Variants in SMOC2 observed in about 807,000 individuals in gnomAD.
The protein encoded by SMOC2 is SPARC related modular calcium binding 2.
SMOC2 carries 39 observed loss-of-function variants against 61.4 expected under a neutral mutation model. That is an observed-to-expected ratio of 0.64 (90% CI 0.49 to 0.83). SMOC2 has a LOEUF of 0.83. Ranked by LOEUF, SMOC2 falls within the 40% of genes least tolerant of loss-of-function variation. SMOC2 has a pLI of 0.00. For synonymous variants in SMOC2, 247 were observed against 239.9 expected (o/e 1.03, Z -0.27); for missense variants, 556 against 592.9 (o/e 0.94, Z 0.65).
At chr6:168,643,645 C>T (rs540904563) in intron 9 of SMOC2, among the ~76,000 whole-genome samples, 1 of 152,310 alleles carries the variant, frequency 6.6e-6, no homozygotes, top group Admixed American at 6.5e-5. Flanking sequence ...TCATCATGGC[C>T]GTGGGGCAGC....
intron 2 of SMOC2, among the ~76,000 whole-genome samples, chr6:168,514,366 T>C (rs1023138560): frequency 3.3e-5 from 5 of 152,198 alleles, no homozygotes; most frequent in African/African-American, 1.2e-4. Flanking sequence ...CAGTGGTGCG[T>C]TGGACAACTG....
At position 168,514,533 on chromosome 6, in the gene SMOC2, G is replaced by A. The variant is rs188306139; in HGVS notation, c.256+4447G>A. 1.1e-3 allele frequency among the ~76,000 whole-genome samples: 164 copies of A among 152,364 alleles called. 1 individual carries two copies. Among genetic ancestry groups the A allele is most frequent in the African/African-American group, 3.8e-3 (157 of 41,582 alleles). On this transcript the variant is annotated intron_variant, in intron 2 of 12. Coordinates refer to ENST00000356284, the MANE Select transcript of SMOC2 (RefSeq NM_001166412.2). ...GTGTGTGAGACTCACACTGGAGAAAGACTCAGATGTGATTTGATACCTTGG... is the reference window on the plus strand; with the variant it reads ...GTGTGTGAGACTCACACTGGAGAAAAACTCAGATGTGATTTGATACCTTGG...
chr6:168,551,028 G>A lies in SMOC2; in HGVS notation c.637+1825G>A, dbSNP rs6902299. Among the ~76,000 whole-genome samples the A allele has an allele frequency of 7.6e-3, 1,164 of 152,322 alleles. 14 individuals carry two copies. Among genetic ancestry groups the A allele is most frequent in the African/African-American group, 0.027 (1,107 of 41,558 alleles). Reference sequence around the variant, plus strand: ...CCCATAATCTGCACATGTCAATGGAGAGACCAGGTGGAGATAATTGAATCA... The same window carrying A: ...CCCATAATCTGCACATGTCAATGGAAAGACCAGGTGGAGATAATTGAATCA... On this transcript the variant is annotated intron_variant, in intron 7 of 12. Transcript: ENST00000356284.
intron 1 of SMOC2, among the ~76,000 whole-genome samples, chr6:168,488,731 G>A (rs1782393386): frequency 1.3e-5 from 2 of 151,700 alleles, no homozygotes; most frequent in South Asian, 2.1e-4. Flanking sequence ...ATATCAAATC[G>A]TCTGGGTCCC....
At chr6:168,523,052 T>G (rs952271496) in intron 2 of SMOC2, among the ~76,000 whole-genome samples, 5 of 151,186 alleles carry the variant, frequency 3.3e-5, no homozygotes, top group Non-Finnish European at 3.0e-5. Context: ...AGATGGTAAA[T>G]TTTATGTTAT....
Position 168,655,397 on chromosome 6 carries a change from A to G in SMOC2, c.1285+2169A>G, listed in dbSNP as rs1334309247. The G allele has an allele frequency of 6.6e-6, 3 of 456,530 alleles. No individual in the cohort carries two copies. The East Asian group carries it at 2.1e-4, about 32-fold the overall frequency. 28.3% of individuals were successfully genotyped at this position (456,530 alleles called of 1,614,324 possible). A position where few individuals can be genotyped will look rare whatever the true frequency, so the allele number is the denominator to read the frequency against. ...GCCTGGCCTACCCAACCGTGACAGG[A>G]AGTAAGAGAAACCTGTGATGGCCAG... On this transcript the variant is annotated intron_variant, in intron 11 of 12. Coordinates refer to ENST00000356284, the MANE Select transcript of SMOC2 (RefSeq NM_001166412.2).
intron 7 of SMOC2, 38 bp downstream of exon 7, chr6:168,549,241 T>C (rs975746037): frequency 6.3e-7 from 1 of 1,581,894 alleles, no homozygotes; most frequent in Admixed American, 1.7e-5. Flanking sequence ...AAGGAGTGAT[T>C]TAATAGATCT....
chr6:168,648,711 T>C (rs183797822), intron 9 of SMOC2, among the ~76,000 whole-genome samples: 12 of 152,358 alleles, frequency 7.9e-5, no homozygotes, highest in African/African-American at 2.9e-4. Flanking sequence ...CAGACCTTTT[T>C]GCACTCTCAG....
At chr6:168,642,761 A>G (rs889884053) in intron 9 of SMOC2, among the ~76,000 whole-genome samples, 1 of 152,230 alleles carries the variant, frequency 6.6e-6, no homozygotes, top group African/African-American at 2.4e-5. Flanking sequence ...TCTCAAAATC[A>G]AAGTGCCTGA....
chr6:168,555,373 A>G (rs1379365206), intron 7 of SMOC2, among the ~76,000 whole-genome samples: 1 of 152,194 alleles, frequency 6.6e-6, no homozygotes, highest in Non-Finnish European at 1.5e-5. Context: ...GTTGCGAAGC[A>G]GAGTGACGAG....
intron 1 of SMOC2, among the ~76,000 whole-genome samples, chr6:168,451,856 G>T (rs181262884): frequency 2.0e-5 from 3 of 152,344 alleles, no homozygotes; most frequent in East Asian, 3.9e-4. Context: ...CCCAGGTGGA[G>T]TCATAACTTC....
chr6:168,658,630 A>G (rs762915193), intron 11 of SMOC2, among the ~76,000 whole-genome samples: 2 of 151,726 alleles, frequency 1.3e-5, no homozygotes, highest in Non-Finnish European at 2.9e-5. Context: ...GTGAATGTTG[A>G]CTCTTTGTAA....
intron 9 of SMOC2, among the ~76,000 whole-genome samples, chr6:168,621,980 T>TC (rs1334655399): frequency 6.6e-6 from 1 of 150,684 alleles, no homozygotes; most frequent in East Asian, 1.9e-4. Flanking sequence ...TTTTTTTTTT[T>TC]CTTGAGATGG....
intron 2 of SMOC2, among the ~76,000 whole-genome samples, chr6:168,525,628 G>A (rs1437183632): frequency 6.6e-6 from 1 of 152,194 alleles, no homozygotes; most frequent in Non-Finnish European, 1.5e-5. Context: ...TGAAATCTGT[G>A]TTGTTGGGAA....
At chr6:168,581,553 A>T (rs927564850) in intron 7 of SMOC2, among the ~76,000 whole-genome samples, 2 of 152,238 alleles carry the variant, frequency 1.3e-5, no homozygotes, top group African/African-American at 4.8e-5. Context: ...TCTTGCCGTC[A>T]CTGAGTTTTA....
intron 11 of SMOC2, among the ~76,000 whole-genome samples, chr6:168,663,479 CTGGGGAAAGG>C (rs1787574228): frequency 6.6e-6 from 1 of 152,204 alleles, no homozygotes; most frequent in Non-Finnish European, 1.5e-5. Context: ...CCCCCGCCTT[CTGGGGAAAGG>C]TTGAGAAACA....
chr6:168,453,600 CTG>C lies in SMOC2; in HGVS notation c.84+12148_84+12149del, dbSNP rs1172533085. Among the ~76,000 whole-genome samples the C allele has an allele frequency of 6.6e-6, 1 of 151,586 alleles. No homozygotes were observed. Among genetic ancestry groups the C allele is most frequent in the Non-Finnish European group, 1.5e-5 (1 of 67,904 alleles). ...TGCCATTTGCTCTCTCTCTTTCTGT[CTG>C]TCTCTGTTTCTTCCTGTCTCTGTCT... is the stretch of plus-strand genomic sequence containing the variant. On this transcript the variant is annotated intron_variant, in intron 1 of 12. Coordinates refer to ENST00000356284, the MANE Select transcript of SMOC2 (RefSeq NM_001166412.2). The surrounding 1 kb of genome is among the most constrained non-coding windows in gnomAD (Gnocchi z 4.4).
chr6:168,665,791 A>G (rs1408519102), intron 12 of SMOC2, among the ~76,000 whole-genome samples: 1 of 152,244 alleles, frequency 6.6e-6, no homozygotes, highest in Non-Finnish European at 1.5e-5. Flanking sequence ...ATAAAAGCCA[A>G]CCCAGAAACC....
Position 168,600,420 on chromosome 6 carries a change from AACAAAAAAAAAAAC to A in SMOC2, c.824+1418_824+1431del, listed in dbSNP as rs1245307894. ...GAAACTCTGCCTCAAAAAAAAAAAA[AACAAAAAAAAAAAC>A]AAAAAAAAAAACAGTAGTTTCAACT... is the stretch of plus-strand genomic sequence containing the variant. On this transcript the variant is annotated intron_variant, in intron 8 of 12. Coordinates refer to ENST00000356284, the MANE Select transcript of SMOC2 (RefSeq NM_001166412.2). Among the ~76,000 whole-genome samples, 15 of 34,586 alleles carry A rather than the reference AACAAAAAAAAAAAC, an allele frequency of 4.3e-4. 1 individual carries two copies. The highest frequency in any genetic ancestry group is 0.015 in the Middle Eastern group (1 of 68). 22.7% of individuals were successfully genotyped at this position (34,586 alleles called of 152,430 possible). A position where few individuals can be genotyped will look rare whatever the true frequency, so the allele number is the denominator to read the frequency against.
Sources: allele counts gnomAD v4.1 joint callset (sites outside exome capture counted in the v4.1 genomes callset), GRCh38; gene constraint gnomAD v4.1.1; non-coding constraint Gnocchi (gnomAD v3.1); transcripts MANE v1.5; gene names NCBI Gene and HGNC (gene_info 2026-07-23, HGNC 2026-07-21).